Variants in CFAP206 observed in about 807,000 individuals in gnomAD.
CFAP206 encodes cilia- and flagella-associated protein 206.
Under a neutral mutation model 65.4 loss-of-function variants are expected in CFAP206, and 53 were observed. The observed-to-expected ratio is 0.81, with a 90% CI of 0.65 to 1.02. The LOEUF is 1.02. Ranked by LOEUF, CFAP206 falls within the 50% of genes least tolerant of loss-of-function variation. CFAP206 has a pLI of 0.00. For missense variants in CFAP206, 663 were observed against 753.2 expected (o/e 0.88, Z 1.40); for synonymous variants, 250 against 254.4 (o/e 0.98, Z 0.17).
chr6:87,415,481 A>T, intron 4 of CFAP206: 1 of 626,970 alleles, frequency 1.6e-6, no homozygotes, highest in Non-Finnish European at 2.9e-6. Flanking sequence ...TATTCCATTT[A>T]AGTCACTGTA....
chr6:87,459,470 T>C (rs1288198708), intron 11 of CFAP206, among the ~76,000 whole-genome samples: 1 of 152,178 alleles, frequency 6.6e-6, no homozygotes, highest in Non-Finnish European at 1.5e-5. Context: ...ATTATTGTCA[T>C]GCAGATAAGC....
At chr6:87,448,955 G>A (rs925178999) in intron 11 of CFAP206, among the ~76,000 whole-genome samples, 12 of 152,108 alleles carry the variant, frequency 7.9e-5, no homozygotes, top group African/African-American at 1.7e-4. Flanking sequence ...GAGTAGTACT[G>A]TGATAAACAT....
At chr6:87,457,884 C>T (rs1768676293) in intron 11 of CFAP206, among the ~76,000 whole-genome samples, 1 of 152,180 alleles carries the variant, frequency 6.6e-6, no homozygotes, top group Non-Finnish European at 1.5e-5. Flanking sequence ...GAAGAGACAA[C>T]TCACAGAATG....
intron 10 of CFAP206, among the ~76,000 whole-genome samples, chr6:87,431,746 C>G (rs1244121638): frequency 6.6e-6 from 1 of 152,114 alleles, no homozygotes; most frequent in African/African-American, 2.4e-5. Context: ...AGCTGGGCAA[C>G]AAAGTGAGAC....
chr6:87,427,576 T>A (rs936582553), intron 8 of CFAP206, among the ~76,000 whole-genome samples: 5 of 152,196 alleles, frequency 3.3e-5, no homozygotes, highest in Non-Finnish European at 1.5e-5. Flanking sequence ...TTTTCATTTG[T>A]TCTATAAGTC....
At chr6:87,416,856 G>C in intron 6 of CFAP206, 29 bp downstream of exon 6, 1 of 1,566,104 alleles carries the variant, frequency 6.4e-7, no homozygotes, top group Non-Finnish European at 8.7e-7. Context: ...TAATTCTAAA[G>C]GTTATGTATG....
chr6:87,460,978 G>A, intron 11 of CFAP206, 44 bp from the exon 12 acceptor site: 2 of 1,508,718 alleles, frequency 1.3e-6, no homozygotes, highest in African/African-American at 2.9e-5. Flanking sequence ...AGTAAATAAT[G>A]TTTATTTTTT....
At chr6:87,443,025 A>T (rs529934821) in intron 11 of CFAP206, among the ~76,000 whole-genome samples, 2 of 152,160 alleles carry the variant, frequency 1.3e-5, no homozygotes, top group African/African-American at 4.8e-5. Flanking sequence ...CTTTTCTCTG[A>T]AAGAATTTAT....
intron 11 of CFAP206, among the ~76,000 whole-genome samples, chr6:87,447,020 C>T (rs1445996005): frequency 1.3e-5 from 2 of 152,062 alleles, no homozygotes; most frequent in Non-Finnish European, 2.9e-5. Flanking sequence ...TATAGGAATG[C>T]TTGTGATTTT....
At chr6:87,420,470 G>A (rs1270233978) in intron 7 of CFAP206, among the ~76,000 whole-genome samples, 1 of 152,166 alleles carries the variant, frequency 6.6e-6, no homozygotes, top group Non-Finnish European at 1.5e-5. Context: ...TGATGAGTGT[G>A]GTCTTTGCAA....
chr6:87,455,117 TCAC>T (rs1405572531), intron 11 of CFAP206, among the ~76,000 whole-genome samples: 1 of 151,796 alleles, frequency 6.6e-6, no homozygotes, highest in Non-Finnish European at 1.5e-5. Flanking sequence ...AGACTGGGTT[TCAC>T]CATGTTGGCC....
At chr6:87,437,923 A>G (rs1195957770) in intron 11 of CFAP206, among the ~76,000 whole-genome samples, 1 of 150,238 alleles carries the variant, frequency 6.7e-6, no homozygotes, top group African/African-American at 2.5e-5. Context: ...GGCTCAAGCA[A>G]TCCTCTTGCC....
intron 11 of CFAP206, among the ~76,000 whole-genome samples, chr6:87,438,851 C>G (rs764405141): frequency 3.3e-5 from 5 of 152,170 alleles, no homozygotes; most frequent in Non-Finnish European, 7.3e-5. Flanking sequence ...ACACGATTTA[C>G]TAAATAATGT....
chr6:87,417,841 C>T (rs898611746), intron 6 of CFAP206, among the ~76,000 whole-genome samples: 3 of 150,738 alleles, frequency 2.0e-5, no homozygotes, highest in Non-Finnish European at 4.4e-5. Context: ...CTGCAACCTC[C>T]GCCTCCCGGG....
chr6:87,428,561 A>G (rs943418794), intron 8 of CFAP206, 65 bp from the exon 9 acceptor site: 8 of 1,409,436 alleles, frequency 5.7e-6, no homozygotes, highest in Non-Finnish European at 8.0e-6. Context: ...TTTATCTTAA[A>G]GAGTACAGTG....
intron 11 of CFAP206, among the ~76,000 whole-genome samples, chr6:87,455,214 AC>A (rs761560352): frequency 3.7e-4 from 57 of 152,242 alleles, no homozygotes; most frequent in Non-Finnish European, 6.9e-4. Flanking sequence ...GAGCCACCAC[AC>A]CCAGACTGGA....
intron 6 of CFAP206, among the ~76,000 whole-genome samples, chr6:87,417,544 C>T (rs1767854321): frequency 6.8e-6 from 1 of 147,320 alleles, no homozygotes; most frequent in African/African-American, 2.5e-5. Context: ...AGTTTCTTAA[C>T]AAACGTTCCT....
In CFAP206 at chr6:87,409,884, AGAAATAG is replaced by A. The variant is rs755712676; in HGVS notation, c.48_54del (p.Glu16AspfsTer15). The A allele has an allele frequency of 3.5e-5, 57 of 1,613,432 alleles. No homozygotes were observed. Among genetic ancestry groups the A allele is most frequent in the Non-Finnish European group, 4.8e-5 (57 of 1,179,712 alleles). Reference sequence around the variant, plus strand: ...AAAGTGTTATAAGGAGTATTATACGAGAAATAGGACAAGAATGTGCAGCCCATGGAGA... The same window carrying A: ...AAAGTGTTATAAGGAGTATTATACGAGACAAGAATGTGCAGCCCATGGAGA... On this transcript the variant is annotated frameshift_variant, in exon 2 of 13. Coordinates refer to ENST00000369562, the MANE Select transcript of CFAP206 (RefSeq NM_001031743.3). LOFTEE classifies it high-confidence loss of function.
At chr6:87,411,018 A>C (rs1197197843) in intron 3 of CFAP206, among the ~76,000 whole-genome samples, 1 of 152,158 alleles carries the variant, frequency 6.6e-6, no homozygotes, top group Non-Finnish European at 1.5e-5. Flanking sequence ...CCATCTACTT[A>C]ACATTTATTG....
Sources: gnomAD v4.1 joint callset for allele counts (sites outside exome capture counted in the v4.1 genomes callset) on GRCh38, gnomAD v4.1.1 for gene constraint, MANE v1.5 for transcripts, NCBI Gene and HGNC (gene_info 2026-07-23, HGNC 2026-07-21) for gene names.